TRAPPC8: variants seen among roughly 807,000 people sequenced by gnomAD.
TRAPPC8 encodes trafficking protein particle complex subunit 8, also known as general sporulation gene 1 homolog.
TRAPPC8 carries 54 observed loss-of-function variants against 174.3 expected under a neutral mutation model. The ratio of observed to expected loss-of-function variants is 0.31; its 90% CI spans 0.25 to 0.39. TRAPPC8 has a LOEUF of 0.39. Among genes scored for constraint, TRAPPC8 ranks in the 10% least tolerant of loss-of-function variants. The pLI is 1.00. For missense variants in TRAPPC8, 1,531 were observed against 1,699.1 expected (o/e 0.90, Z 1.74); for synonymous variants, 630 against 579.9 (o/e 1.09, Z -1.24).
chr18:31,923,682 C>T (rs1434779693), intron 2 of TRAPPC8, among the ~76,000 whole-genome samples: 5 of 151,522 alleles, frequency 3.3e-5, no homozygotes, highest in African/African-American at 1.2e-4. Flanking sequence ...ATCTCATTCT[C>T]AGTCTTCATG....
At chr18:31,877,409 G>A (rs62095543) in intron 12 of TRAPPC8, among the ~76,000 whole-genome samples, 34,727 of 151,106 alleles carry the variant, frequency 0.23, 4,800 homozygotes, top group South Asian at 0.52. Flanking sequence ...TCAGGAGATC[G>A]AGACCATCCT....
In TRAPPC8 at chr18:31,864,708, T is replaced by A; in HGVS notation, c.2664A>T (p.Thr888=). ...ATTTAACAGATGTTTTCTCTTCTTT[T>A]GTGTTGTTAAGTCGAGGACCTTGAA... ...LEIQGPRLNN[T]KEEKTSVKYG... The change falls in exon 19 of 29, where the codon ACA becomes ACT. Residue 888 remains threonine (T), a synonymous_variant. Coordinates refer to ENST00000283351, the MANE Select transcript of TRAPPC8 (RefSeq NM_014939.5). The A allele has an allele frequency of 6.2e-7, 1 of 1,613,288 alleles. No homozygotes were observed. Among genetic ancestry groups the A allele is most frequent in the Admixed American group, 1.7e-5 (1 of 59,932 alleles).
chr18:31,888,379 C>A (rs2035812980), intron 12 of TRAPPC8, among the ~76,000 whole-genome samples: 1 of 152,026 alleles, frequency 6.6e-6, no homozygotes, highest in Non-Finnish European at 1.5e-5. Context: ...ACTAAAAATA[C>A]AGTATTAGCC....
At chr18:31,866,007 C>G (rs117530013) in intron 18 of TRAPPC8, among the ~76,000 whole-genome samples, 1 of 151,256 alleles carries the variant, frequency 6.6e-6, no homozygotes, top group Admixed American at 6.6e-5. Flanking sequence ...TCCTAGATAC[C>G]CAGGGCAAGT....
At chr18:31,914,341 T>A (rs759813125) in intron 4 of TRAPPC8, among the ~76,000 whole-genome samples, 1 of 152,186 alleles carries the variant, frequency 6.6e-6, no homozygotes, top group East Asian at 1.9e-4. Flanking sequence ...GTACACACAC[T>A]GAAGGACAAT....
At chr18:31,882,829 C>G (rs993903363) in intron 12 of TRAPPC8, among the ~76,000 whole-genome samples, 3 of 150,088 alleles carry the variant, frequency 2.0e-5, no homozygotes, top group African/African-American at 7.3e-5. Context: ...GTTGGCCAGG[C>G]TGGTCTCGAA....
chr18:31,837,756 T>G (rs1224233223), intron 27 of TRAPPC8, among the ~76,000 whole-genome samples: 1 of 151,838 alleles, frequency 6.6e-6, no homozygotes, highest in Non-Finnish European at 1.5e-5. Flanking sequence ...AAAAGTCCAT[T>G]AACACTTAAG....
chr18:31,872,823 T>C (rs904888641), intron 14 of TRAPPC8, among the ~76,000 whole-genome samples: 2 of 152,120 alleles, frequency 1.3e-5, no homozygotes, highest in African/African-American at 2.4e-5. Context: ...TTTACTAACA[T>C]TAAACGTTTA....
intron 2 of TRAPPC8, among the ~76,000 whole-genome samples, chr18:31,926,084 G>A (rs1422363201): frequency 1.3e-5 from 2 of 152,064 alleles, no homozygotes; most frequent in African/African-American, 2.4e-5. Flanking sequence ...CAACCAGTCC[G>A]ACATAAAATT....
intron 1 of TRAPPC8, chr18:31,937,468 A>C (rs1228369721): frequency 6.6e-6 from 1 of 150,868 alleles, no homozygotes; most frequent in African/African-American, 2.4e-5. Context: ...GGTTGAGGCT[A>C]TAGTGAGCCA....
chr18:31,908,412 A>G lies in TRAPPC8; in HGVS notation c.1129T>C (p.Ser377Pro). 6.4e-7 allele frequency: 1 copy of G among 1,563,306 alleles called. No homozygotes were observed. The highest frequency in any genetic ancestry group is 8.7e-7 in the Non-Finnish European group (1 of 1,154,564). The change falls in exon 8 of 29, where the codon TCA becomes CCA. Residue 377 changes from serine (S) to proline (P), a missense_variant. Transcript: ENST00000283351. Reference protein sequence around the residue: ...TIRQLNDQLISRKGLSRSLFS... With the variant: ...TIRQLNDQLIPRKGLSRSLFS... ...AGAGATCGACTCAAACCTTTTCTTG[A>G]TATTAGCTTTAAAAAAGAGATTAAA...
At chr18:31,937,658 A>C (rs1186853972) in intron 1 of TRAPPC8, 1 of 151,788 alleles carries the variant, frequency 6.6e-6, no homozygotes, top group Admixed American at 6.6e-5. Flanking sequence ...AATTTAAGAA[A>C]ACTGGAGATA....
chr18:31,853,948 G>A lies in TRAPPC8; in HGVS notation c.3337-3C>T, dbSNP rs1598609331. 1 of 1,595,992 alleles carries A rather than the reference G, an allele frequency of 6.3e-7. No homozygotes were observed. The highest frequency in any genetic ancestry group is 1.4e-5 in the African/African-American group (1 of 73,212). On this transcript the variant is annotated splice_polypyrimidine_tract_variant and splice_region_variant and intron_variant, in intron 21 of 28. Coordinates refer to ENST00000283351, the MANE Select transcript of TRAPPC8 (RefSeq NM_014939.5). ...AATTCCTTAACGCCTGCTTCACTCT[G>A]TCAAAAAAAAAGATAGGAGTCATTC...
chr18:31,864,639 C>A lies in TRAPPC8; in HGVS notation c.2733G>T (p.Met911Ile), dbSNP rs776538793. ...RRLDPIITEE[M>I]PLLEVFFIHF... ...AAAAGTGAAATACCTCCAACAGTGG[C>A]ATTTCTTCTGTGATTATGGGATCTA... The change falls in exon 19 of 29, where the codon ATG becomes ATT. Residue 911 changes from methionine to isoleucine, a missense_variant. Physicochemically the swap from Met to Ile is conservative, Grantham distance 10 (BLOSUM62 1). Transcript: ENST00000283351. 3.1e-6 allele frequency: 5 copies of A among 1,611,578 alleles called. No individual in the cohort carries two copies. Among genetic ancestry groups the A allele is most frequent in the Non-Finnish European group, 4.2e-6 (5 of 1,179,074 alleles).
At chr18:31,905,591 G>T (rs1270773637) in intron 9 of TRAPPC8, among the ~76,000 whole-genome samples, 3 of 152,124 alleles carry the variant, frequency 2.0e-5, no homozygotes, top group Non-Finnish European at 4.4e-5. Context: ...TGCCTATCTA[G>T]ATTATTTAGG....
chr18:31,864,955 CAACT>C lies in TRAPPC8; in HGVS notation c.2591-178_2591-175del, dbSNP rs140507507. Among the ~76,000 whole-genome samples, 690 of 151,966 alleles carry C rather than the reference CAACT, an allele frequency of 4.5e-3. 4 individuals carry two copies. Among genetic ancestry groups the C allele is most frequent in the African/African-American group, 0.016 (662 of 41,484 alleles). Reference sequence around the variant, plus strand: ...TATATTTTCATTCCATGTTTAACACCAACTAAGGTATGCTACTTAATTTCTCACT... The same window carrying C: ...TATATTTTCATTCCATGTTTAACACCAAGGTATGCTACTTAATTTCTCACT... On this transcript the variant is annotated intron_variant, in intron 18 of 28. Transcript: ENST00000283351.
chr18:31,877,871 C>T (rs528986719), intron 12 of TRAPPC8, among the ~76,000 whole-genome samples: 176 of 150,174 alleles, frequency 1.2e-3, no homozygotes, highest in African/African-American at 4.1e-3. Context: ...TGCAGTGAGC[C>T]GAGATCGCAC....
At position 31,917,624 on chromosome 18, in the gene TRAPPC8, C is replaced by A; in HGVS notation, c.396G>T (p.Gln132His). ...ATTCATGATCCAATGCTGGCATCGACTGAAGAAAGGTTTCTCTGTAAGACT... is the reference window on the plus strand; with the variant it reads ...ATTCATGATCCAATGCTGGCATCGAATGAAGAAAGGTTTCTCTGTAAGACT... The part of the protein sequence containing the change: ...WFESYRETFL[Q>H]SMPALDHEFL... The change falls in exon 3 of 29, where the codon CAG becomes CAT. Residue 132 changes from glutamine (Q) to histidine (H), a missense_variant. Physicochemically the swap from Gln to His is conservative, Grantham distance 24. Transcript: ENST00000283351. 6.2e-7 allele frequency: 1 copy of A among 1,613,310 alleles called. No homozygotes were observed. Among genetic ancestry groups the A allele is most frequent in the Non-Finnish European group, 8.5e-7 (1 of 1,179,738 alleles).
Position 31,913,381 on chromosome 18 carries a change from A to C in TRAPPC8, c.759T>G (p.Ser253Arg). The C allele has an allele frequency of 6.3e-7, 1 of 1,577,044 alleles. No homozygotes were observed. Among genetic ancestry groups the C allele is most frequent in the Non-Finnish European group, 8.6e-7 (1 of 1,169,148 alleles). Reference protein sequence around the residue: ...DPWSQYLQKNSIQNQESYEDG... With the variant: ...DPWSQYLQKNRIQNQESYEDG... Reference sequence around the variant, plus strand: ...TTTTTACATATACCTGGTTTTGAATACTATTTTTCTGGAGATACTGACTCC... The same window carrying C: ...TTTTTACATATACCTGGTTTTGAATCCTATTTTTCTGGAGATACTGACTCC... Residue 253 changes from serine to arginine, a missense_variant, in exon 5 of 29, where the codon AGT becomes AGG. Coordinates refer to ENST00000283351, the MANE Select transcript of TRAPPC8 (RefSeq NM_014939.5).
Sources: gnomAD v4.1 joint callset for allele counts (sites outside exome capture counted in the v4.1 genomes callset) on GRCh38, gnomAD v4.1.1 for gene constraint, MANE v1.5 for transcripts, NCBI Gene and HGNC (gene_info 2026-07-23, HGNC 2026-07-21) for gene names.